The following ITGB8 variants were observed in gnomAD, a reference collection of about 807,000 sequenced individuals.
The protein encoded by ITGB8 is integrin subunit beta 8, also known as integrin beta-8.
Under a neutral mutation model 89.5 loss-of-function variants are expected in ITGB8, and 30 were observed. The observed-to-expected ratio is 0.34, with a 90% CI of 0.25 to 0.45. The LOEUF is 0.45. Ranked by LOEUF, ITGB8 falls within the 20% of genes least tolerant of loss-of-function variation. The pLI is 1.00. For synonymous variants in ITGB8, 335 were observed against 320.4 expected (o/e 1.05, Z -0.49); for missense variants, 836 against 933.3 (o/e 0.90, Z 1.36).
chr7:20,335,231 G>A (rs1784536644), intron 1 of ITGB8, among the ~76,000 whole-genome samples: 1 of 151,986 alleles, frequency 6.6e-6, no homozygotes, highest in South Asian at 2.1e-4. Context: ...CTGAAACTTA[G>A]GGCAACAAGA....
intron 3 of ITGB8, among the ~76,000 whole-genome samples, chr7:20,373,736 G>C (rs1274877375): frequency 3.2e-4 from 48 of 152,150 alleles, no homozygotes; most frequent in Non-Finnish European, 4.4e-5. Flanking sequence ...TTCCCCTGCT[G>C]AAGTATAATG....
intron 6 of ITGB8, chr7:20,382,200 C>A: frequency 5.0e-6 from 1 of 200,176 alleles, no homozygotes. Flanking sequence ...AAAAAGTATA[C>A]CTTTGCTTTA....
rs140417022 is a variant in ITGB8 at position 20,358,699 on chromosome 7, A to G, written c.128-4938A>G. On this transcript the variant is annotated intron_variant, in intron 1 of 13. Transcript: ENST00000222573. ...ATTACAGGCATGAGCCACTGCGCCC[A>G]GCCAGCAGTATTTTTTTTAAACTTT... Among the ~76,000 whole-genome samples, 239 of 152,228 alleles carry G rather than the reference A, an allele frequency of 1.6e-3. 2 individuals are homozygous for G. The highest frequency in any genetic ancestry group is 5.2e-3 in the African/African-American group (215 of 41,540).
intron 3 of ITGB8, among the ~76,000 whole-genome samples, chr7:20,377,660 G>C (rs1583509442): frequency 6.6e-6 from 1 of 152,204 alleles, no homozygotes; most frequent in East Asian, 1.9e-4. Flanking sequence ...CTGAAGGCAA[G>C]GGATGAGAGA....
At chr7:20,374,904 T>C (rs1786075197) in intron 3 of ITGB8, among the ~76,000 whole-genome samples, 2 of 152,086 alleles carry the variant, frequency 1.3e-5, no homozygotes, top group Non-Finnish European at 2.9e-5. Context: ...CTCGGTGGTA[T>C]AGATAATGAT....
chr7:20,395,532 T>C (rs1220743835), intron 8 of ITGB8, among the ~76,000 whole-genome samples: 1 of 152,256 alleles, frequency 6.6e-6, no homozygotes, highest in African/African-American at 2.4e-5. Context: ...GAGTTGATGG[T>C]TGTATGCTGT....
At chr7:20,405,994 TGCAGAAAA>T in intron 11 of ITGB8, 60 bp from the exon 12 acceptor site, 2 of 934,562 alleles carry the variant, frequency 2.1e-6, no homozygotes, top group African/African-American at 1.6e-5. Flanking sequence ...TTTTTTTTCT[TGCAGAAAA>T]TATTATAGTC....
intron 3 of ITGB8, among the ~76,000 whole-genome samples, chr7:20,370,505 G>T (rs1427207631): frequency 6.6e-6 from 1 of 150,972 alleles, no homozygotes; most frequent in East Asian, 1.9e-4. Context: ...ATGCTTTCAT[G>T]AGCAGAAATG....
chr7:20,376,080 C>T (rs1330794908), intron 3 of ITGB8, among the ~76,000 whole-genome samples: 2 of 152,138 alleles, frequency 1.3e-5, no homozygotes. Context: ...CCCTCCCTAA[C>T]ATTTCCAGGC....
At chr7:20,370,603 A>T (rs7785328) in intron 3 of ITGB8, among the ~76,000 whole-genome samples, 2 of 144,508 alleles carry the variant, frequency 1.4e-5, no homozygotes, top group African/African-American at 2.7e-5. Flanking sequence ...TTACTTATTT[A>T]TTATTATTAT....
chr7:20,395,061 A>T, intron 8 of ITGB8, 76 bp downstream of exon 8: 1 of 813,748 alleles, frequency 1.2e-6, no homozygotes, highest in Non-Finnish European at 2.0e-6. Flanking sequence ...AAGTAGTGCC[A>T]TGTCATCTCG....
Position 20,408,314 on chromosome 7 carries a change from G to T in ITGB8, c.2024-1301G>T, listed in dbSNP as rs151153377. On this transcript the variant is annotated intron_variant, in intron 12 of 13. Transcript: ENST00000222573. ...CAACAGAGACCTGCACTGGCATTTG[G>T]TGTTTCCATTCCAGTTGTAGCACTG... 1.5e-4 allele frequency among the ~76,000 whole-genome samples: 23 copies of T among 150,882 alleles called. No homozygotes were observed. The East Asian group carries it at 2.7e-3, about 18-fold the overall frequency.
intron 1 of ITGB8, among the ~76,000 whole-genome samples, chr7:20,362,948 T>C (rs1330533455): frequency 2.0e-5 from 3 of 152,174 alleles, no homozygotes; most frequent in African/African-American, 7.2e-5. Flanking sequence ...CAGGAATCTA[T>C]GGAAATGTGA....
chr7:20,360,348 A>ATTTTTTTTTT (rs71020629), intron 1 of ITGB8, among the ~76,000 whole-genome samples: 1,296 of 127,676 alleles, frequency 0.01, 63 homozygotes, highest in African/African-American at 0.025. Flanking sequence ...CAGTCCTTTA[A>ATTTTTTTTTT]TTTTTTTTTT....
At chr7:20,338,725 G>A (rs1454643221) in intron 1 of ITGB8, among the ~76,000 whole-genome samples, 1 of 152,144 alleles carries the variant, frequency 6.6e-6, no homozygotes, top group Non-Finnish European at 1.5e-5. Flanking sequence ...TGGTAGTCTT[G>A]ACTACCTCAT....
At chr7:20,348,007 C>G (rs1449918451) in intron 1 of ITGB8, among the ~76,000 whole-genome samples, 3 of 152,126 alleles carry the variant, frequency 2.0e-5, no homozygotes, top group African/African-American at 7.2e-5. Context: ...GAGCAATTAA[C>G]TAGAAAGCTA....
intron 7 of ITGB8, among the ~76,000 whole-genome samples, chr7:20,393,198 C>T (rs1009648934): frequency 3.9e-5 from 6 of 152,180 alleles, no homozygotes; most frequent in African/African-American, 1.4e-4. Flanking sequence ...TTTGCTGTTT[C>T]TCTAACATTA....
chr7:20,376,884 A>G (rs1435857636), intron 3 of ITGB8, among the ~76,000 whole-genome samples: 1 of 152,216 alleles, frequency 6.6e-6, no homozygotes, highest in East Asian at 1.9e-4. Flanking sequence ...TGACTCCGGT[A>G]TACGTGCTAA....
Position 20,413,831 on chromosome 7 carries a change from G to T in ITGB8, c.*3834G>T, listed in dbSNP as rs982772423. On this transcript the variant is annotated 3_prime_UTR_variant, in exon 14 of 14. Coordinates refer to ENST00000222573, the MANE Select transcript of ITGB8 (RefSeq NM_002214.3). ...TAGTTACATGGGAGCTCAATCATGT[G>T]CAGATTGCATTCTGTTATGTTGACT... 1 of 151,910 alleles carries T rather than the reference G, an allele frequency of 6.6e-6. No homozygotes were observed. 9.4% of individuals were successfully genotyped at this position (151,910 alleles called of 1,614,324 possible).
Sources: gnomAD v4.1 joint callset for allele counts (sites outside exome capture counted in the v4.1 genomes callset) on GRCh38, gnomAD v4.1.1 for gene constraint, MANE v1.5 for transcripts, NCBI Gene and HGNC (gene_info 2026-07-23, HGNC 2026-07-21) for gene names.